The following RFC3 variants were observed in gnomAD, a reference collection of about 807,000 sequenced individuals.
RFC3 encodes A1 38 kDa subunit.
Under a neutral mutation model 45.1 loss-of-function variants are expected in RFC3, and 41 were observed. The observed-to-expected ratio is 0.91, with a 90% CI of 0.71 to 1.18. The LOEUF is 1.18. Among genes scored for constraint, RFC3 ranks in the 50% most tolerant of loss-of-function variants. RFC3 has a pLI of 0.00. For synonymous variants in RFC3, 149 were observed against 144.0 expected (o/e 1.03, Z -0.25); for missense variants, 423 against 428.1 (o/e 0.99, Z 0.10).
At position 33,935,619 on chromosome 13, in the gene RFC3, G is replaced by T. The variant is rs185290932; in HGVS notation, c.880-30468G>T. Among the ~76,000 whole-genome samples the T allele has an allele frequency of 7.2e-4, 109 of 152,228 alleles. 1 individual carries two copies. The highest frequency in any genetic ancestry group is 1.2e-3 in the Non-Finnish European group (81 of 68,010). Reference sequence around the variant, plus strand: ...ATTTGTGGAAGGTTGTAAGATGAGAGAACTTAGATTTTCACCATAATTCAC... The same window carrying T: ...ATTTGTGGAAGGTTGTAAGATGAGATAACTTAGATTTTCACCATAATTCAC... On this transcript the variant is annotated intron_variant, in intron 8 of 8. Coordinates refer to the RFC3 transcript ENST00000434425.
chr13:33,975,293 T>C, the RFC3 span, among the ~76,000 whole-genome samples: 2 of 152,176 alleles, frequency 1.3e-5, no homozygotes, highest in African/African-American at 4.8e-5. Context: ...CTAAAAAGGC[T>C]ACATACTATA....
At chr13:33,826,391 G>A (rs1016504530) in intron 4 of RFC3, among the ~76,000 whole-genome samples, 13 of 152,026 alleles carry the variant, frequency 8.6e-5, no homozygotes, top group African/African-American at 3.1e-4. Flanking sequence ...GCAGTGTTTG[G>A]GAGTGCTCAT....
chr13:33,924,081 A>G (rs552552971), intron 8 of RFC3, among the ~76,000 whole-genome samples: 2 of 152,202 alleles, frequency 1.3e-5, no homozygotes, highest in South Asian at 4.1e-4. Flanking sequence ...TTAAAAAGAG[A>G]CTAAATATAA....
downstream of RFC3, among the ~76,000 whole-genome samples, chr13:33,837,844 T>G (rs2082169330): frequency 1.3e-5 from 2 of 152,092 alleles, no homozygotes; most frequent in Admixed American, 1.3e-4. Context: ...AATTTCACTC[T>G]GAGTACTGAT....
intron 8 of RFC3, among the ~76,000 whole-genome samples, chr13:33,883,718 A>G (rs2082500794): frequency 6.6e-6 from 1 of 152,226 alleles, no homozygotes; most frequent in South Asian, 2.1e-4. Context: ...TTCAAAAATA[A>G]AAAGTTATGT....
rs76007834 is a variant in RFC3, at chr13:33,908,810, A to G, written c.880-57277A>G. Among the ~76,000 whole-genome samples, 539 of 152,176 alleles carry G rather than the reference A, an allele frequency of 3.5e-3. 4 individuals carry two copies. Among genetic ancestry groups the G allele is most frequent in the African/African-American group, 0.012 (505 of 41,548 alleles). On this transcript the variant is annotated intron_variant, in intron 8 of 8. Transcript: ENST00000434425. ...GCCAATGACATAAGTTCTAACCTGA[A>G]AGCCAAAGGTCCAAGACCCAAGAAG...
intron 8 of RFC3, among the ~76,000 whole-genome samples, chr13:33,914,858 A>G (rs537762367): frequency 6.6e-6 from 1 of 152,302 alleles, no homozygotes; most frequent in South Asian, 2.1e-4. Context: ...TATGCAAAGA[A>G]TAAGTATAAA....
At chr13:33,956,640 C>T (rs1324675717) in intron 8 of RFC3, among the ~76,000 whole-genome samples, 7 of 152,110 alleles carry the variant, frequency 4.6e-5, no homozygotes, top group South Asian at 2.1e-4. Flanking sequence ...GTATCAAGAA[C>T]ACATAAAGAA....
chr13:33,925,505 TACATACATA>T (rs2082803573), intron 8 of RFC3, among the ~76,000 whole-genome samples: 3 of 144,728 alleles, frequency 2.1e-5, no homozygotes, highest in African/African-American at 7.6e-5. Context: ...ACTATATACA[TACATACATA>T]GTGTACTATA....
At chr13:33,933,687 T>A (rs1475127047) in intron 8 of RFC3, among the ~76,000 whole-genome samples, 1 of 152,060 alleles carries the variant, frequency 6.6e-6, no homozygotes, top group Non-Finnish European at 1.5e-5. Flanking sequence ...AGAAACTTTT[T>A]TTCCCCTCTC....
chr13:33,868,323 T>G lies in RFC3; in HGVS notation c.879+33106T>G, dbSNP rs528082315. On this transcript the variant is annotated intron_variant, in intron 8 of 8. Coordinates refer to the RFC3 transcript ENST00000434425. ...AGAAGCTGAAATTGAGGCAGGAGAGTAGGGTCTGGAGGCAGGGAAACTAAG... is the reference window on the plus strand; with the variant it reads ...AGAAGCTGAAATTGAGGCAGGAGAGGAGGGTCTGGAGGCAGGGAAACTAAG... Among the ~76,000 whole-genome samples, 182 of 151,620 alleles carry G rather than the reference T, an allele frequency of 1.2e-3. 1 individual carries two copies. Among genetic ancestry groups the G allele is most frequent in the African/African-American group, 4.2e-3 (175 of 41,288 alleles).
At chr13:33,966,065 G>T in intron 8 of RFC3, 1 of 1,577,016 alleles carries the variant, frequency 6.3e-7, no homozygotes, top group East Asian at 2.2e-5. Context: ...ACAATTGATT[G>T]GATAGTGAAT....
intron 8 of RFC3, among the ~76,000 whole-genome samples, chr13:33,897,001 TGAAA>T (rs1375215384): frequency 6.6e-6 from 1 of 151,396 alleles, no homozygotes; most frequent in Non-Finnish European, 1.5e-5. Context: ...TTCTTCAACC[TGAAA>T]GAAAACAAAA....
At chr13:33,928,418 G>T (rs1039097787) in intron 8 of RFC3, among the ~76,000 whole-genome samples, 1 of 152,134 alleles carries the variant, frequency 6.6e-6, no homozygotes, top group Non-Finnish European at 1.5e-5. Flanking sequence ...TGGCAGGATT[G>T]CTCACCTCTC....
intron 8 of RFC3, among the ~76,000 whole-genome samples, chr13:33,936,671 G>A (rs371563346): frequency 6.6e-6 from 1 of 152,228 alleles, no homozygotes; most frequent in South Asian, 2.1e-4. Context: ...CAGAAGCCAG[G>A]AGAGAGCCCT....
intron 8 of RFC3, among the ~76,000 whole-genome samples, chr13:33,905,028 A>G (rs2082663761): frequency 1.3e-5 from 2 of 152,174 alleles, no homozygotes; most frequent in South Asian, 4.1e-4. Context: ...AGCTGTGACC[A>G]GAGAGGGATA....
chr13:33,892,348 A>C (rs748281627), intron 8 of RFC3, among the ~76,000 whole-genome samples: 2 of 152,206 alleles, frequency 1.3e-5, no homozygotes, highest in African/African-American at 2.4e-5. Flanking sequence ...TGTTAATAGA[A>C]GGTTTCATCC....
At chr13:33,958,587 A>G (rs1241782711) in intron 8 of RFC3, among the ~76,000 whole-genome samples, 1 of 152,232 alleles carries the variant, frequency 6.6e-6, no homozygotes, top group Admixed American at 6.5e-5. Flanking sequence ...GAGACGGAAA[A>G]CAGAAGGCGT....
chr13:33,839,068 C>T (rs1012805305), downstream of RFC3, among the ~76,000 whole-genome samples: 2 of 152,136 alleles, frequency 1.3e-5, no homozygotes, highest in Non-Finnish European at 2.9e-5. Context: ...ACTTAGACAT[C>T]ATGAGACTAC....
Sources: gnomAD v4.1 joint callset for allele counts (sites outside exome capture counted in the v4.1 genomes callset) on GRCh38, gnomAD v4.1.1 for gene constraint, MANE v1.5 for transcripts, NCBI Gene and HGNC (gene_info 2026-07-23, HGNC 2026-07-21) for gene names.